The following SOX5 variants were observed in gnomAD, a reference collection of about 807,000 sequenced individuals.
SOX5 encodes transcription factor SOX-5.
Under a neutral mutation model 92.0 loss-of-function variants are expected in SOX5, and 9 were observed. That is an observed-to-expected ratio of 0.10 (90% CI 0.06 to 0.17). The LOEUF is 0.17. Ranked by LOEUF, SOX5 falls within the 10% of genes least tolerant of loss-of-function variation. The pLI, the probability that SOX5 is intolerant of heterozygous loss-of-function variation, is 1.00. For synonymous variants in SOX5, 344 were observed against 336.3 expected (o/e 1.02, Z -0.25); for missense variants, 642 against 944.5 (o/e 0.68, Z 4.20).
chr12:24,277,537 A>C (rs139420555), intron 2 of SOX5, among the ~76,000 whole-genome samples: 4,741 of 66,292 alleles, frequency 0.072, 143 homozygotes, highest in South Asian at 0.16. Context: ...TATATAATTT[A>C]TATGTATATA....
In SOX5 at chr12:24,202,577, T is replaced by C. The variant is rs181666596; in HGVS notation, c.-2+10766A>G. ...GTTTTTCTTGGACTATGAGCCAATA[T>C]TTAGTTGTCATGTTTTCTTCATCTC... On this transcript the variant is annotated intron_variant, in intron 4 of 4. Transcript: ENST00000446891. Among the ~76,000 whole-genome samples the C allele has an allele frequency of 2.6e-3, 401 of 152,302 alleles. 3 individuals are homozygous for C. The highest frequency in any genetic ancestry group is 9.2e-3 in the African/African-American group (382 of 41,568).
At chr12:24,486,516 T>C (rs1946543629) in intron 1 of SOX5, among the ~76,000 whole-genome samples, 1 of 152,214 alleles carries the variant, frequency 6.6e-6, no homozygotes, top group Non-Finnish European at 1.5e-5. Context: ...GGTACACTTA[T>C]GTCCACAACT....
intron 2 of SOX5, among the ~76,000 whole-genome samples, chr12:23,879,698 A>G (rs960553457): frequency 1.3e-5 from 2 of 151,782 alleles, no homozygotes; most frequent in Admixed American, 6.6e-5. Flanking sequence ...AAAACAACTT[A>G]TCAAGAAAAA....
At chr12:23,747,493 G>A (rs1342923493) in intron 4 of SOX5, among the ~76,000 whole-genome samples, 2 of 152,116 alleles carry the variant, frequency 1.3e-5, no homozygotes, top group African/African-American at 4.8e-5. Context: ...TGTGGCCCTT[G>A]CCTTCTTCCC....
intron 9 of SOX5, among the ~76,000 whole-genome samples, chr12:23,600,262 C>G (rs1953229503): frequency 6.6e-6 from 1 of 151,772 alleles, no homozygotes; most frequent in Non-Finnish European, 1.5e-5. Context: ...AACATTTAGC[C>G]ATAAACATAG....
chr12:23,811,910 G>T (rs2142436276), intron 3 of SOX5, among the ~76,000 whole-genome samples: 1 of 152,164 alleles, frequency 6.6e-6, no homozygotes, highest in South Asian at 2.1e-4. Flanking sequence ...TTATCTCTTT[G>T]TTAACTTCAG....
intron 3 of SOX5, among the ~76,000 whole-genome samples, chr12:24,254,196 G>A (rs1293829790): frequency 6.6e-6 from 1 of 151,860 alleles, no homozygotes; most frequent in South Asian, 2.1e-4. Context: ...GAACTAGATG[G>A]ATTATGGGTC....
intron 3 of SOX5, among the ~76,000 whole-genome samples, chr12:24,234,096 T>C (rs1180877163): frequency 6.6e-6 from 1 of 152,230 alleles, no homozygotes; most frequent in Non-Finnish European, 1.5e-5. Context: ...AGTTTCTGCC[T>C]ACTGTTCTAT....
At chr12:24,426,231 C>A (rs942273584) in intron 1 of SOX5, among the ~76,000 whole-genome samples, 10 of 149,488 alleles carry the variant, frequency 6.7e-5, no homozygotes, top group African/African-American at 2.5e-4. Flanking sequence ...ACAAAAAAAA[C>A]ACTGCATATT....
chr12:24,207,592 C>T (rs1361247341), intron 4 of SOX5, among the ~76,000 whole-genome samples: 4 of 152,152 alleles, frequency 2.6e-5, no homozygotes, highest in African/African-American at 9.7e-5. Context: ...CTCAGGAGGG[C>T]CCTGGGCAGA....
At chr12:24,273,253 G>A (rs968182214) in intron 3 of SOX5, among the ~76,000 whole-genome samples, 5 of 151,700 alleles carry the variant, frequency 3.3e-5, no homozygotes, top group Non-Finnish European at 4.4e-5. Context: ...AGTGAGACGC[G>A]GTCTCAAAAA....
chr12:23,781,122 C>T (rs1297522964), intron 3 of SOX5, among the ~76,000 whole-genome samples: 1 of 151,994 alleles, frequency 6.6e-6, no homozygotes, highest in African/African-American at 2.4e-5. Context: ...TATGAAGAGA[C>T]AACAGTCCCC....
At chr12:24,146,006 C>A (rs552198195) in intron 4 of SOX5, among the ~76,000 whole-genome samples, 57 of 151,984 alleles carry the variant, frequency 3.8e-4, no homozygotes, top group Non-Finnish European at 5.9e-4. Flanking sequence ...ACTGATAGAA[C>A]CACAAGAAGA....
intron 4 of SOX5, among the ~76,000 whole-genome samples, chr12:24,126,955 G>A (rs988568342): frequency 4.6e-5 from 7 of 152,152 alleles, no homozygotes. Flanking sequence ...TCTTAGGGAT[G>A]TCTGCCTTGA....
At chr12:23,767,165 C>T (rs181029297) in intron 3 of SOX5, among the ~76,000 whole-genome samples, 75 of 151,430 alleles carry the variant, frequency 5.0e-4, no homozygotes, top group African/African-American at 1.7e-3. Flanking sequence ...CATGATTGTG[C>T]CACTGCACTC....
intron 4 of SOX5, among the ~76,000 whole-genome samples, chr12:24,180,074 A>T (rs1014670289): frequency 6.6e-6 from 1 of 151,986 alleles, no homozygotes; most frequent in Non-Finnish European, 1.5e-5. Context: ...CCTCCCAAGT[A>T]GCTGGGATTA....
chr12:24,145,186 C>A (rs894397269), intron 4 of SOX5, among the ~76,000 whole-genome samples: 1 of 152,092 alleles, frequency 6.6e-6, no homozygotes, highest in Admixed American at 6.6e-5. Context: ...AATGCTATGA[C>A]AACAAACAAG....
rs549286324 is a variant in SOX5, at chr12:24,446,740, G to T, written c.-250-78101C>A. On this transcript the variant is annotated intron_variant, in intron 1 of 4. Transcript: ENST00000446891. ...TAGTAATGGGAGAGTCTAAGAAGCC[G>T]AAATGTAATAAGGATAAACATAATA... Among the ~76,000 whole-genome samples the T allele has an allele frequency of 2.6e-5, 4 of 152,198 alleles. No individual in the cohort carries two copies. The East Asian group carries it at 7.7e-4, about 29-fold the overall frequency.
At chr12:24,326,733 T>A (rs1172253515) in intron 2 of SOX5, among the ~76,000 whole-genome samples, 2 of 151,642 alleles carry the variant, frequency 1.3e-5, no homozygotes, top group Non-Finnish European at 2.9e-5. Flanking sequence ...TCCTAGCTAC[T>A]CTATTTAAAA....
Sources: allele counts gnomAD v4.1 joint callset (sites outside exome capture counted in the v4.1 genomes callset), GRCh38; gene constraint gnomAD v4.1.1; transcripts MANE v1.5; gene names NCBI Gene and HGNC (gene_info 2026-07-23, HGNC 2026-07-21).